Variants in DENND4C observed in about 807,000 individuals in gnomAD.
DENND4C encodes the protein DENN domain containing 4C, also known as DENN domain-containing protein 4C.
A neutral mutation model predicts 203.0 loss-of-function variants in DENND4C; 108 were observed. That is an observed-to-expected ratio of 0.53 (90% CI 0.46 to 0.62). DENND4C has a LOEUF of 0.62. Ranked by LOEUF, DENND4C falls within the 20% of genes least tolerant of loss-of-function variation. DENND4C has a pLI of 0.00. For missense variants in DENND4C, 2,481 were observed against 2,301.2 expected (o/e 1.08, Z -1.60); for synonymous variants, 871 against 792.4 (o/e 1.10, Z -1.67).
At position 19,357,348 on chromosome 9, in the gene DENND4C, A is replaced by G. The variant is rs1825650725; in HGVS notation, c.4964+194A>G. 5 of 525,320 alleles carry G rather than the reference A, an allele frequency of 9.5e-6. No individual in the cohort carries two copies. In the South Asian group the frequency reaches 1.5e-4, roughly 16 times the overall value. The allele number at this position is 525,320 out of a possible 1,614,324, so 32.5% of individuals were successfully genotyped here. On this transcript the variant is annotated intron_variant, in intron 27 of 32. Transcript: ENST00000434457. ...ATAAACCATTTTTGAACTAAGTTTA[A>G]TATTTTACAGTTGTCTTTTACAAAA...
rs71335412 is a variant in DENND4C at position 19,275,277 on chromosome 9, CTT to C, written c.-17-868_-17-867del. 7.8e-3 allele frequency among the ~76,000 whole-genome samples: 1,014 copies of C among 129,964 alleles called. 16 individuals carry two copies. Among genetic ancestry groups the C allele is most frequent in the African/African-American group, 0.028 (952 of 34,488 alleles). 85.3% of individuals were successfully genotyped at this position (129,964 alleles called of 152,430 possible). A position where few individuals can be genotyped will look rare whatever the true frequency, so the allele number is the denominator to read the frequency against. ...ACAGGTGTGAGCCACCAGGCCCGGCCTTTTTTTTTTTTTTCTTTCTCTTTTTT... is the reference window on the plus strand; with the variant it reads ...ACAGGTGTGAGCCACCAGGCCCGGCCTTTTTTTTTTTTCTTTCTCTTTTTT... On this transcript the variant is annotated intron_variant, in intron 1 of 32. Coordinates refer to ENST00000434457, the MANE Select transcript of DENND4C (RefSeq NM_001330640.2).
intron 2 of DENND4C, among the ~76,000 whole-genome samples, chr9:19,283,199 A>G (rs1834477431): frequency 6.6e-6 from 1 of 151,890 alleles, no homozygotes; most frequent in Admixed American, 6.6e-5. Flanking sequence ...TTTTGTTAAA[A>G]TTTAAGACAA....
intron 1 of DENND4C, among the ~76,000 whole-genome samples, chr9:19,256,104 CAG>C (rs1827853974): frequency 6.6e-6 from 1 of 151,196 alleles, no homozygotes; most frequent in South Asian, 2.1e-4. Context: ...AAAAAAAGAC[CAG>C]ATTCTTAGCC....
chr9:19,344,844 C>A (rs1822473407), intron 22 of DENND4C, among the ~76,000 whole-genome samples: 1 of 152,060 alleles, frequency 6.6e-6, no homozygotes, highest in Non-Finnish European at 1.5e-5. Context: ...AAATTTATTT[C>A]TTATAGTTCT....
intron 9 of DENND4C, among the ~76,000 whole-genome samples, chr9:19,304,970 G>A (rs55687623): frequency 6.6e-6 from 1 of 151,070 alleles, no homozygotes; most frequent in Non-Finnish European, 1.5e-5. Context: ...GTAATTTTGA[G>A]AATTAATAGG....
intron 12 of DENND4C, among the ~76,000 whole-genome samples, chr9:19,319,204 C>CATATATGTATATATATATATACACATTT (rs1228485232): frequency 1.4e-4 from 21 of 145,176 alleles, no homozygotes; most frequent in Middle Eastern, 3.4e-3. Flanking sequence ...CGTATATACA[C>CATATATGTATATATATATATACACATTT]ATATATGTAT....
At chr9:19,273,111 C>T (rs1167194966) in intron 1 of DENND4C, among the ~76,000 whole-genome samples, 1 of 151,846 alleles carries the variant, frequency 6.6e-6, no homozygotes, top group Non-Finnish European at 1.5e-5. Flanking sequence ...GCCACCATGC[C>T]AGGCTAATTT....
intron 2 of DENND4C, among the ~76,000 whole-genome samples, chr9:19,281,173 G>A (rs1008240007): frequency 1.3e-5 from 2 of 152,170 alleles, no homozygotes; most frequent in African/African-American, 2.4e-5. Context: ...GATGACTTAC[G>A]TAATTATATG....
At chr9:19,262,109 A>G (rs556949585) in intron 1 of DENND4C, among the ~76,000 whole-genome samples, 121 of 92,022 alleles carry the variant, frequency 1.3e-3, no homozygotes, top group Admixed American at 4.3e-3. Flanking sequence ...TTTTTTTGAG[A>G]CAAGTCTTGT....
chr9:19,358,090 T>C lies in DENND4C; in HGVS notation c.5090T>C (p.Ile1697Thr), dbSNP rs1310839094. ...AGTGTTGGAGGCCCATTGCAGAATA[T>C]TGACTTTACCCAGCGACCGTTTCAT... ...SHSVGGPLQN[I>T]DFTQRPFHGI... Residue 1697 changes from isoleucine (I) to threonine (T), a missense_variant, in exon 28 of 33, where the codon ATT (isoleucine) becomes ACT (threonine). Coordinates refer to ENST00000434457, the MANE Select transcript of DENND4C (RefSeq NM_001330640.2). The surrounding 1 kb of genome is among the most constrained non-coding windows in gnomAD (Gnocchi z 4.8). 4.3e-6 allele frequency: 7 copies of C among 1,613,886 alleles called. No individual in the cohort carries two copies. The East Asian group carries it at 1.3e-4, about 31-fold the overall frequency.
chr9:19,342,631 A>G lies in DENND4C; in HGVS notation c.3005-2A>G. 6.3e-7 allele frequency: 1 copy of G among 1,586,624 alleles called. No individual in the cohort carries two copies. The highest frequency in any genetic ancestry group is 8.5e-7 in the Non-Finnish European group (1 of 1,170,890). On this transcript the variant is annotated splice_acceptor_variant, in intron 21 of 32. Coordinates refer to ENST00000434457, the MANE Select transcript of DENND4C (RefSeq NM_001330640.2). LOFTEE classifies it high-confidence loss of function. ...TGATAACATCCAAATATTTTTTTCC[A>G]GAGGTGTGTGATGCCTCTGCTATTG...
chr9:19,327,873 T>C (rs926284583), intron 15 of DENND4C, among the ~76,000 whole-genome samples, 157 bp from the exon 16 acceptor site: 24 of 152,152 alleles, frequency 1.6e-4, no homozygotes, highest in Middle Eastern at 3.2e-3. Flanking sequence ...CTGTATGTTA[T>C]ATCATTTAAA....
chr9:19,258,226 G>T (rs75979747), intron 1 of DENND4C, among the ~76,000 whole-genome samples: 2 of 152,042 alleles, frequency 1.3e-5, no homozygotes, highest in African/African-American at 4.8e-5. Flanking sequence ...AAATCTACCC[G>T]CATAAAGATC....
intron 26 of DENND4C, among the ~76,000 whole-genome samples, chr9:19,353,426 G>A (rs374708653): frequency 9.9e-5 from 15 of 151,802 alleles, no homozygotes; most frequent in South Asian, 6.3e-4. Context: ...TCAGGAGTTC[G>A]AGACCAGCCT....
At chr9:19,290,563 G>T (rs1238038105) in intron 4 of DENND4C, 141 bp from the exon 5 acceptor site, 4 of 540,290 alleles carry the variant, frequency 7.4e-6, no homozygotes, top group African/African-American at 3.8e-5. Flanking sequence ...TTCTGTTATA[G>T]CAAGGGGGAA....
chr9:19,300,961 C>G (rs1173020420), intron 9 of DENND4C, among the ~76,000 whole-genome samples: 1 of 152,128 alleles, frequency 6.6e-6, no homozygotes, highest in Non-Finnish European at 1.5e-5. Context: ...AGGCGGATCA[C>G]CTGAGGTCAG....
chr9:19,331,839 A>T, intron 16 of DENND4C, 139 bp from the exon 17 acceptor site: 1 of 684,650 alleles, frequency 1.5e-6, no homozygotes, highest in Non-Finnish European at 2.4e-6. Context: ...GCAGGAAGCC[A>T]CTCACAAAAG....
chr9:19,305,834 A>G (rs1653345961), intron 10 of DENND4C, among the ~76,000 whole-genome samples: 1 of 152,248 alleles, frequency 6.6e-6, no homozygotes, highest in African/African-American at 2.4e-5. Context: ...TTCAGAGCTC[A>G]AGAGATGATA....
At chr9:19,291,088 C>G (rs1050804421) in intron 5 of DENND4C, among the ~76,000 whole-genome samples, 2 of 152,250 alleles carry the variant, frequency 1.3e-5, no homozygotes, top group East Asian at 3.9e-4. Flanking sequence ...AAGATAAAGT[C>G]TCTCTGGATA....
Sources: gnomAD v4.1 joint callset for allele counts (sites outside exome capture counted in the v4.1 genomes callset) on GRCh38, gnomAD v4.1.1 for gene constraint, Gnocchi (gnomAD v3.1) non-coding constraint, MANE v1.5 for transcripts, NCBI Gene and HGNC (gene_info 2026-07-23, HGNC 2026-07-21) for gene names.